Variants in RRP8 observed in about 807,000 individuals in gnomAD.
RRP8 encodes ribosomal RNA-processing protein 8.
RRP8 carries 48 observed loss-of-function variants against 45.0 expected under a neutral mutation model. That is an observed-to-expected ratio of 1.07 (90% CI 0.85 to 1.36). The LOEUF (loss-of-function observed/expected upper bound fraction) is 1.36. Among genes scored for constraint, RRP8 ranks in the 40% most tolerant of loss-of-function variants. The pLI, the probability that RRP8 is intolerant of heterozygous loss-of-function variation, is 0.00. For missense variants in RRP8, 658 were observed against 573.7 expected (o/e 1.15, Z -1.50); for synonymous variants, 274 against 212.4 (o/e 1.29, Z -2.52).
In RRP8 at chr11:6,595,771, T is replaced by G. The variant is rs1366154955; in HGVS notation, c.*4375A>C. The G allele has an allele frequency of 6.6e-6, 1 of 152,184 alleles. No homozygotes were observed. The highest frequency in any genetic ancestry group is 1.5e-5 in the Non-Finnish European group (1 of 68,032). 9.4% of individuals were successfully genotyped at this position (152,184 alleles called of 1,614,324 possible). A position where few individuals can be genotyped will look rare whatever the true frequency, so the allele number is the denominator to read the frequency against. On this transcript the variant is annotated 3_prime_UTR_variant, in exon 7 of 7. Transcript: ENST00000254605. ...GAGGGTACTGTGGTCAAGAGTAAGG[T>G]GGACAGGATACCATAGAAGATATAT...
chr11:6,602,555 A>G (rs1276192381), intron 1 of RRP8, among the ~76,000 whole-genome samples: 4 of 152,210 alleles, frequency 2.6e-5, no homozygotes, highest in Admixed American at 6.5e-5. Flanking sequence ...ACATTTCTGT[A>G]AGAGGTAAGG....
chr11:6,595,719 T>C lies in RRP8; in HGVS notation c.*4427A>G. On this transcript the variant is annotated 3_prime_UTR_variant, in exon 7 of 7. Transcript: ENST00000254605. ...ACTGGCATCTGGCAAGATAATTAAA[T>C]ATCTGAAACACCCTGAAGGAAACAA... 6.6e-6 allele frequency: 1 copy of C among 152,122 alleles called. No individual in the cohort carries two copies. The highest frequency in any genetic ancestry group is 1.9e-4 in the East Asian group (1 of 5,192). The allele number at this position is 152,122 out of a possible 1,614,324, so 9.4% of individuals were successfully genotyped here. A position where few individuals can be genotyped will look rare whatever the true frequency, so the allele number is the denominator to read the frequency against.
Position 6,602,181 on chromosome 11 carries a change from C to G in RRP8, c.134G>C (p.Arg45Pro), listed in dbSNP as rs752628806. The change falls in exon 2 of 7, where the codon CGG becomes CCG. Residue 45 changes from arginine (R) to proline (P), a missense_variant. Coordinates refer to ENST00000254605, the MANE Select transcript of RRP8 (RefSeq NM_015324.4). ...SKRRQLLATL[R>P]ALEAASLSQH... Reference sequence around the variant, plus strand: ...GGAAAGAGATGCTGCCTCTAGGGCCCGTAATGTGGCCAAGAGCTGGCGGCG... The same window carrying G: ...GGAAAGAGATGCTGCCTCTAGGGCCGGTAATGTGGCCAAGAGCTGGCGGCG... 1 of 1,585,654 alleles carries G rather than the reference C, an allele frequency of 6.3e-7. No individual in the cohort carries two copies. The highest frequency in any genetic ancestry group is 1.2e-5 in the South Asian group (1 of 86,790).
chr11:6,601,755 A>C (rs561389012), intron 2 of RRP8, 97 bp downstream of exon 2: 1 of 1,480,020 alleles, frequency 6.8e-7, no homozygotes, highest in African/African-American at 1.4e-5. Context: ...ATTAGCCCCA[A>C]TCCTAATGGC....
At position 6,601,265 on chromosome 11, in the gene RRP8, C is replaced by T. The variant is rs1210681408; in HGVS notation, c.801G>A (p.Gln267=). 1.9e-6 allele frequency: 3 copies of T among 1,611,942 alleles called. No individual in the cohort carries two copies. The highest frequency in any genetic ancestry group is 1.3e-5 in the African/African-American group (1 of 74,934). The change falls in exon 3 of 7, where the codon CAG becomes CAA. Residue 267 remains glutamine (Q), a synonymous_variant. Transcript: ENST00000254605. The part of the protein sequence containing the change: ...QLYSGPSSAA[Q]RLFQEDPEAF... Reference sequence around the variant, plus strand: ...CCTCAGGGTCTTCCTGGAAGAGACGCTGTGCAGCACTGCTGGGCCCTGAGT... The same window carrying T: ...CCTCAGGGTCTTCCTGGAAGAGACGTTGTGCAGCACTGCTGGGCCCTGAGT...
rs964298229 is a variant in RRP8 at position 6,595,290 on chromosome 11, G to A, written c.*4856C>T. ...TTAGATTGGTTTCAGTCATGTTATA[G>A]GGAATAATGGAACGTATTTATACCA... On this transcript the variant is annotated 3_prime_UTR_variant, in exon 7 of 7. Transcript: ENST00000254605. 2.0e-5 allele frequency: 3 copies of A among 152,054 alleles called. No individual in the cohort carries two copies. Among genetic ancestry groups the A allele is most frequent in the African/African-American group, 7.2e-5 (3 of 41,396 alleles). 9.4% of individuals were successfully genotyped at this position (152,054 alleles called of 1,614,324 possible). A position where few individuals can be genotyped will look rare whatever the true frequency, so the allele number is the denominator to read the frequency against.
Position 6,595,887 on chromosome 11 carries a change from G to A in RRP8, c.*4259C>T, listed in dbSNP as rs1017082378. ...ATTTTCTTGTTCAAAGTCCAATATGGATGTTTTTGGTCAAGTAGCTATTAT... is the reference window on the plus strand; with the variant it reads ...ATTTTCTTGTTCAAAGTCCAATATGAATGTTTTTGGTCAAGTAGCTATTAT... On this transcript the variant is annotated 3_prime_UTR_variant, in exon 7 of 7. Coordinates refer to ENST00000254605, the MANE Select transcript of RRP8 (RefSeq NM_015324.4). The A allele has an allele frequency of 1.3e-5, 2 of 152,180 alleles. No individual in the cohort carries two copies. The highest frequency in any genetic ancestry group is 1.3e-4 in the Admixed American group (2 of 15,276). The allele number at this position is 152,180 out of a possible 1,614,324, so 9.4% of individuals were successfully genotyped here.
At position 6,603,545 on chromosome 11, in the gene RRP8, A is replaced by G. The variant is rs755812858; in HGVS notation, c.-43T>C. ...GGTCGCCGAGTCCCCGCTCTTCTCC[A>G]CGTGCACAGCGCTCCTCTGGAAGTC... On this transcript the variant is annotated 5_prime_UTR_variant, in exon 1 of 7. Transcript: ENST00000254605. The G allele has an allele frequency of 1.5e-6, 2 of 1,292,468 alleles. No homozygotes were observed. The highest frequency in any genetic ancestry group is 2.3e-5 in the Admixed American group (1 of 43,106). 80.1% of individuals were successfully genotyped at this position (1,292,468 alleles called of 1,614,324 possible). A position where few individuals can be genotyped will look rare whatever the true frequency, so the allele number is the denominator to read the frequency against.
At position 6,600,485 on chromosome 11, in the gene RRP8, C is replaced by T. The variant is rs148977366; in HGVS notation, c.1251+1G>A. 1.5e-4 allele frequency: 248 copies of T among 1,613,060 alleles called. No individual in the cohort carries two copies. The highest frequency in any genetic ancestry group is 2.0e-4 in the Non-Finnish European group (239 of 1,179,864). On this transcript the variant is annotated splice_donor_variant, in intron 6 of 6. Transcript: ENST00000254605. LOFTEE classifies it high-confidence loss of function. ...AGGTACAGATGTCTTGGGGCCCTCACCTTGGAGACAATCTTGAAGCCTAGC... is the reference window on the plus strand; with the variant it reads ...AGGTACAGATGTCTTGGGGCCCTCATCTTGGAGACAATCTTGAAGCCTAGC...
rs527676627 is a variant in RRP8, at chr11:6,601,365, C to T, written c.701G>A (p.Arg234Gln). The T allele has an allele frequency of 4.8e-5, 77 of 1,613,976 alleles. No homozygotes were observed. The highest frequency in any genetic ancestry group is 8.8e-5 in the South Asian group (8 of 91,086). Residue 234 changes from arginine to glutamine, a missense_variant, in exon 3 of 7, where the codon CGG becomes CAG. Coordinates refer to ENST00000254605, the MANE Select transcript of RRP8 (RefSeq NM_015324.4). ...PVPRTDSHEA[R>Q]AGALRARMAQ... is the part of the protein sequence containing the mutation. ...CATGCGGGCTCGCAAAGCCCCTGCC[C>T]GAGCCTCATGGCTGTCTGTCCTGGG... is the stretch of plus-strand genomic sequence containing the variant.
chr11:6,597,439 G>A lies in RRP8; in HGVS notation c.*2707C>T, dbSNP rs2134494097. 1 of 152,022 alleles carries A rather than the reference G, an allele frequency of 6.6e-6. No homozygotes were observed. Among genetic ancestry groups the A allele is most frequent in the Non-Finnish European group, 1.5e-5 (1 of 67,972 alleles). 9.4% of individuals were successfully genotyped at this position (152,022 alleles called of 1,614,324 possible). On this transcript the variant is annotated 3_prime_UTR_variant, in exon 7 of 7. Coordinates refer to ENST00000254605, the MANE Select transcript of RRP8 (RefSeq NM_015324.4). ...GGCCCTATCAGGAACTCTGGAAGAG[G>A]GCTTTCATAATGGAGCAACCTCTTA... is the stretch of plus-strand genomic sequence containing the variant.
rs1480813500 is a variant in RRP8, at chr11:6,595,738, G to A, written c.*4408C>T. 6.6e-6 allele frequency: 1 copy of A among 152,182 alleles called. No homozygotes were observed. The highest frequency in any genetic ancestry group is 2.4e-5 in the African/African-American group (1 of 41,438). 9.4% of individuals were successfully genotyped at this position (152,182 alleles called of 1,614,324 possible). A position where few individuals can be genotyped will look rare whatever the true frequency, so the allele number is the denominator to read the frequency against. On this transcript the variant is annotated 3_prime_UTR_variant, in exon 7 of 7. Coordinates refer to ENST00000254605, the MANE Select transcript of RRP8 (RefSeq NM_015324.4). ...ATTAAATATCTGAAACACCCTGAAGGAAACAAAGAGGGTACTGTGGTCAAG... is the reference window on the plus strand; with the variant it reads ...ATTAAATATCTGAAACACCCTGAAGAAAACAAAGAGGGTACTGTGGTCAAG...
Position 6,598,535 on chromosome 11 carries a change from GT to G in RRP8, c.*1610del, listed in dbSNP as rs1362647615. On this transcript the variant is annotated 3_prime_UTR_variant, in exon 7 of 7. Transcript: ENST00000254605. ...AAGCTGAAGTAGCACTCTTCACATA[GT>G]ACTTTGAGAGTACAGATGAAGAACT... 2 of 152,252 alleles carry G rather than the reference GT, an allele frequency of 1.3e-5. No homozygotes were observed. Among genetic ancestry groups the G allele is most frequent in the Non-Finnish European group, 1.5e-5 (1 of 68,048 alleles). The allele number at this position is 152,252 out of a possible 1,614,324, so 9.4% of individuals were successfully genotyped here.
chr11:6,601,512 C>G lies in RRP8; in HGVS notation c.554G>C (p.Arg185Pro). 1 of 1,612,014 alleles carries G rather than the reference C, an allele frequency of 6.2e-7. No homozygotes were observed. Among genetic ancestry groups the G allele is most frequent in the Non-Finnish European group, 8.5e-7 (1 of 1,180,032 alleles). Reference sequence around the variant, plus strand: ...CTTTTGCCGGTTCCGCCACTGCTTGCGGCTTAATGTATGAGGGGGTTTAGG... The same window carrying G: ...CTTTTGCCGGTTCCGCCACTGCTTGGGGCTTAATGTATGAGGGGGTTTAGG... ...TSPKPPHTLS[R>P]KQWRNRQKNK... The change falls in exon 3 of 7, where the codon CGC becomes CCC. Residue 185 changes from arginine to proline, a missense_variant. Coordinates refer to ENST00000254605, the MANE Select transcript of RRP8 (RefSeq NM_015324.4).
At position 6,598,213 on chromosome 11, in the gene RRP8, CCT is replaced by C. The variant is rs1820851542; in HGVS notation, c.*1931_*1932del. ...AGCAACCTGGAACTTACTTCAGATT[CCT>C]CTCTTACCAACCTCAACATCCCACC... On this transcript the variant is annotated 3_prime_UTR_variant, in exon 7 of 7. Transcript: ENST00000254605. 6.6e-6 allele frequency: 1 copy of C among 152,244 alleles called. No homozygotes were observed. The highest frequency in any genetic ancestry group is 6.5e-5 in the Admixed American group (1 of 15,290). The allele number at this position is 152,244 out of a possible 1,614,324, so 9.4% of individuals were successfully genotyped here.
chr11:6,602,737 C>T (rs886986463), intron 1 of RRP8, among the ~76,000 whole-genome samples: 2 of 152,144 alleles, frequency 1.3e-5, no homozygotes, highest in African/African-American at 4.8e-5. Flanking sequence ...CAAAGCAGGC[C>T]GATTCCATGT....
rs780072733 is a variant in RRP8 at position 6,601,027 on chromosome 11, C to T, written c.946G>A (p.Gly316Ser). ...RPASLVVADF[G>S]CGDCRLASSI... Reference sequence around the variant, plus strand: ...GAAGCCAAGCGGCAATCCCCACAGCCGAAGTCAGCCACCACTAGGGATGCA... The same window carrying T: ...GAAGCCAAGCGGCAATCCCCACAGCTGAAGTCAGCCACCACTAGGGATGCA... Residue 316 changes from glycine to serine, a missense_variant, in exon 4 of 7, where the codon GGC becomes AGC. Coordinates refer to ENST00000254605, the MANE Select transcript of RRP8 (RefSeq NM_015324.4). 22 of 1,614,056 alleles carry T rather than the reference C, an allele frequency of 1.4e-5. No individual in the cohort carries two copies. The highest frequency in any genetic ancestry group is 6.6e-5 in the South Asian group (6 of 91,078).
At position 6,601,520 on chromosome 11, in the gene RRP8, T is replaced by A; in HGVS notation, c.546A>T (p.Thr182=). ...GGTTCCGCCACTGCTTGCGGCTTAA[T>A]GTATGAGGGGGTTTAGGGGAAGTGG... The part of the protein sequence containing the change: ...PGSTSPKPPH[T]LSRKQWRNRQ... The change falls in exon 3 of 7, where the codon ACA becomes ACT. Residue 182 remains threonine (T), a synonymous_variant. Coordinates refer to ENST00000254605, the MANE Select transcript of RRP8 (RefSeq NM_015324.4). 6.2e-7 allele frequency: 1 copy of A among 1,611,374 alleles called. No individual in the cohort carries two copies. Among genetic ancestry groups the A allele is most frequent in the Non-Finnish European group, 8.5e-7 (1 of 1,180,014 alleles).
chr11:6,603,390 C>G lies in RRP8; in HGVS notation c.99+14G>C, dbSNP rs891076138. 4.5e-5 allele frequency: 72 copies of G among 1,584,896 alleles called. No homozygotes were observed. Among genetic ancestry groups the G allele is most frequent in the Non-Finnish European group, 6.0e-5 (70 of 1,163,382 alleles). Reference sequence around the variant, plus strand: ...GGCCTGAAACAGCTCCCATTGCTCCCGCGAGTCACTCACCTTGTTTTGCGA... The same window carrying G: ...GGCCTGAAACAGCTCCCATTGCTCCGGCGAGTCACTCACCTTGTTTTGCGA... On this transcript the variant is annotated intron_variant, in intron 1 of 6. Transcript: ENST00000254605.
Sources: gnomAD v4.1 joint callset for allele counts (sites outside exome capture counted in the v4.1 genomes callset) on GRCh38, gnomAD v4.1.1 for gene constraint, MANE v1.5 for transcripts, NCBI Gene and HGNC (gene_info 2026-07-23, HGNC 2026-07-21) for gene names.